The following UBXN7 variants were observed in gnomAD, a reference collection of about 807,000 sequenced individuals.
The protein encoded by UBXN7 is UBX domain protein 7, also known as UBX domain-containing protein 7.
A neutral mutation model predicts 58.0 loss-of-function variants in UBXN7; 9 were observed. That is an observed-to-expected ratio of 0.16 (90% CI 0.09 to 0.27). The LOEUF is 0.27. UBXN7 is among the 10% of genes least tolerant of loss of function. UBXN7 has a pLI of 1.00. For synonymous variants in UBXN7, 208 were observed against 205.0 expected (o/e 1.01, Z -0.12); for missense variants, 328 against 599.6 (o/e 0.55, Z 4.73).
At chr3:196,398,849 C>T (rs1209436862) in intron 3 of UBXN7, among the ~76,000 whole-genome samples, 1 of 152,164 alleles carries the variant, frequency 6.6e-6, no homozygotes, top group Non-Finnish European at 1.5e-5. Flanking sequence ...GTAGCCCAGG[C>T]TGGTGTGGAA....
rs200814241 is a variant in UBXN7, at chr3:196,368,330, T to G, written c.707-175A>C. ...ATCTATAAAGGTAATATCTAGAATC[T>G]TTCTGAACATTCTTATTAAGTATCT... On this transcript the variant is annotated intron_variant, in intron 7 of 10. Transcript: ENST00000296328. Among the ~76,000 whole-genome samples the G allele has an allele frequency of 1.6e-4, 25 of 152,290 alleles. No individual in the cohort carries two copies. The East Asian group carries it at 4.8e-3, about 29-fold the overall frequency.
At chr3:196,424,383 ATTTTT>A (rs869183431) in intron 1 of UBXN7, among the ~76,000 whole-genome samples, 9 of 104,900 alleles carry the variant, frequency 8.6e-5, no homozygotes, top group African/African-American at 2.8e-4. Context: ...TCTTTTCCTA[ATTTTT>A]TTTTTTTTTT....
chr3:196,364,898 C>A (rs1233627724), intron 8 of UBXN7, among the ~76,000 whole-genome samples: 1 of 151,930 alleles, frequency 6.6e-6, no homozygotes, highest in Admixed American at 6.6e-5. Context: ...GGCGAACTTA[C>A]CACCCCTAAA....
intron 2 of UBXN7, among the ~76,000 whole-genome samples, chr3:196,404,205 A>G (rs549540113): frequency 2.0e-5 from 3 of 151,916 alleles, no homozygotes; most frequent in Admixed American, 2.0e-4. Flanking sequence ...CTTCCTGCTT[A>G]TAAGTATTAT....
chr3:196,371,790 C>A, intron 6 of UBXN7, 106 bp downstream of exon 6: 1 of 1,433,042 alleles, frequency 7.0e-7, no homozygotes, highest in Non-Finnish European at 9.3e-7. Flanking sequence ...GCCGGCTTTA[C>A]CTTTTTTTAA....
chr3:196,425,656 A>G (rs1219944142), intron 1 of UBXN7, among the ~76,000 whole-genome samples: 2 of 152,064 alleles, frequency 1.3e-5, no homozygotes, highest in African/African-American at 4.8e-5. Flanking sequence ...TCTCCCATTT[A>G]TCTCTTGAGG....
intron 1 of UBXN7, among the ~76,000 whole-genome samples, chr3:196,417,182 G>T (rs1013796496): frequency 6.6e-6 from 1 of 151,960 alleles, no homozygotes; most frequent in Admixed American, 6.6e-5. Context: ...GCGTGGTGGC[G>T]GGCGCTTGTA....
rs568241637 is a variant in UBXN7 at position 196,427,865 on chromosome 3, G to A, written c.73+4462C>T. ...AGTGGGGCCGGTTGCAGTGGCTCAC[G>A]CCCATAATACCAGCACTTTGGGAGG... On this transcript the variant is annotated intron_variant, in intron 1 of 10. Transcript: ENST00000296328. Among the ~76,000 whole-genome samples the A allele has an allele frequency of 1.6e-3, 237 of 152,252 alleles. 1 individual carries two copies. Among genetic ancestry groups the A allele is most frequent in the African/African-American group, 5.6e-3 (232 of 41,548 alleles).
chr3:196,430,930 A>C (rs1424847832), intron 1 of UBXN7, among the ~76,000 whole-genome samples: 1 of 152,174 alleles, frequency 6.6e-6, no homozygotes, highest in Admixed American at 6.6e-5. Context: ...AAAAATATTA[A>C]GAGAAGTTAT....
intron 5 of UBXN7, among the ~76,000 whole-genome samples, chr3:196,388,184 A>C (rs912765701): frequency 2.0e-4 from 31 of 151,840 alleles, no homozygotes; most frequent in Non-Finnish European, 3.4e-4. Context: ...TCAGCCAACT[A>C]TCACAAGGAC....
At position 196,355,784 on chromosome 3, in the gene UBXN7, T is replaced by C. The variant is rs1179263362; in HGVS notation, c.*901A>G. 1 of 152,194 alleles carries C rather than the reference T, an allele frequency of 6.6e-6. No individual in the cohort carries two copies. The highest frequency in any genetic ancestry group is 1.5e-5 in the Non-Finnish European group (1 of 68,042). 9.4% of individuals were successfully genotyped at this position (152,194 alleles called of 1,614,324 possible). A position where few individuals can be genotyped will look rare whatever the true frequency, so the allele number is the denominator to read the frequency against. On this transcript the variant is annotated 3_prime_UTR_variant, in exon 11 of 11. Coordinates refer to ENST00000296328, the MANE Select transcript of UBXN7 (RefSeq NM_015562.2). Reference sequence around the variant, plus strand: ...TACAATTCCAAGCCATTGTACTACATGATTATTGACCAGCTGCCTTCCTAC... The same window carrying C: ...TACAATTCCAAGCCATTGTACTACACGATTATTGACCAGCTGCCTTCCTAC...
intron 5 of UBXN7, among the ~76,000 whole-genome samples, chr3:196,378,547 A>C (rs1729101171): frequency 6.6e-6 from 1 of 152,214 alleles, no homozygotes; most frequent in Admixed American, 6.5e-5. Context: ...TTTCTTGCTT[A>C]TATGCTAATC....
intron 9 of UBXN7, 106 bp from the exon 10 acceptor site, chr3:196,362,029 C>G: frequency 8.3e-7 from 1 of 1,200,274 alleles, no homozygotes; most frequent in Non-Finnish European, 1.2e-6. Context: ...AGCAATTACT[C>G]AAGTGTTTTG....
rs1445651140 is a variant in UBXN7 at position 196,417,231 on chromosome 3, T to G, written c.74-9838A>C. ...GGGAGGCTGAGGCAGGAGAATGGCG[T>G]GAACCCGGCAGCGGAGCTTGCAGTG... On this transcript the variant is annotated intron_variant, in intron 1 of 10. Transcript: ENST00000296328. 7.9e-5 allele frequency among the ~76,000 whole-genome samples: 12 copies of G among 152,186 alleles called. No homozygotes were observed. In the East Asian group the frequency reaches 1.5e-3, roughly 20 times the overall value.
chr3:196,425,154 C>T (rs1730807898), intron 1 of UBXN7, among the ~76,000 whole-genome samples: 1 of 152,184 alleles, frequency 6.6e-6, no homozygotes, highest in Non-Finnish European at 1.5e-5. Flanking sequence ...TCTCCCCACA[C>T]CTTTCTGCTA....
intron 8 of UBXN7, among the ~76,000 whole-genome samples, 178 bp from the exon 9 acceptor site, chr3:196,362,865 A>G (rs965963597): frequency 5.9e-4 from 89 of 152,004 alleles, no homozygotes; most frequent in South Asian, 4.1e-4. Flanking sequence ...AGATATATAT[A>G]TGTGTGTGTA....
At chr3:196,387,948 T>G (rs1729461507) in intron 5 of UBXN7, among the ~76,000 whole-genome samples, 1 of 152,114 alleles carries the variant, frequency 6.6e-6, no homozygotes, top group Admixed American at 6.6e-5. Context: ...ACTGGGTATA[T>G]ACCCAAAGGA....
chr3:196,386,671 CTT>C (rs1729409365), intron 5 of UBXN7, among the ~76,000 whole-genome samples: 1 of 152,140 alleles, frequency 6.6e-6, no homozygotes, highest in Non-Finnish European at 1.5e-5. Context: ...TGAAGGACCT[CTT>C]TAAGGAGAAC....
chr3:196,359,805 T>C (rs1174195790), intron 10 of UBXN7, among the ~76,000 whole-genome samples: 1 of 151,574 alleles, frequency 6.6e-6, no homozygotes, highest in Non-Finnish European at 1.5e-5. Context: ...CTCGGGAGGC[T>C]GAGGCAAGGA....
Sources: gnomAD v4.1 joint callset for allele counts (sites outside exome capture counted in the v4.1 genomes callset) on GRCh38, gnomAD v4.1.1 for gene constraint, MANE v1.5 for transcripts, NCBI Gene and HGNC (gene_info 2026-07-23, HGNC 2026-07-21) for gene names.